CPQ: variants seen among roughly 807,000 people sequenced by gnomAD.
The protein encoded by CPQ is Ser-Met dipeptidase.
In CPQ, 37 loss-of-function variants were observed where a neutral mutation model predicts 45.7. That is an observed-to-expected ratio of 0.81 (90% CI 0.62 to 1.07). The LOEUF (loss-of-function observed/expected upper bound fraction) is 1.07, where lower values mean the gene tolerates loss of function less well. CPQ is among the 50% of genes least tolerant of loss of function. The pLI, the probability that CPQ is intolerant of heterozygous loss-of-function variation, is 0.00. For missense variants in CPQ, 537 were observed against 572.9 expected (o/e 0.94, Z 0.64); for synonymous variants, 186 against 205.8 (o/e 0.90, Z 0.82).
intron 7 of CPQ, among the ~76,000 whole-genome samples, chr8:97,086,114 C>G (rs771654735): frequency 3.1e-4 from 47 of 152,108 alleles, no homozygotes; most frequent in Non-Finnish European, 5.3e-4. Context: ...GGGAAGGGAG[C>G]AATTTTAATT....
intron 1 of CPQ, among the ~76,000 whole-genome samples, chr8:96,769,463 T>C (rs1458013542): frequency 6.6e-6 from 1 of 152,102 alleles, no homozygotes; most frequent in Non-Finnish European, 1.5e-5. Flanking sequence ...TCACAGATCA[T>C]AGACCCCTGT....
chr8:96,702,585 A>G (rs1036470621), intron 1 of CPQ, among the ~76,000 whole-genome samples: 1 of 152,158 alleles, frequency 6.6e-6, no homozygotes, highest in African/African-American at 2.4e-5. Context: ...TATATATATT[A>G]AGTCTTTTAA....
rs564307536 is a variant in CPQ, at chr8:96,662,778, G to A, written c.-35+17376G>A. Among the ~76,000 whole-genome samples the A allele has an allele frequency of 5.9e-5, 9 of 152,106 alleles. No individual in the cohort carries two copies. In the South Asian group the frequency reaches 1.2e-3, roughly 21 times the overall value. Reference sequence around the variant, plus strand: ...AGTGGCAGGCAGATCGCTTGAGCCCGGGAGTTCAACACTAACCTGGGCAAC... The same window carrying A: ...AGTGGCAGGCAGATCGCTTGAGCCCAGGAGTTCAACACTAACCTGGGCAAC... On this transcript the variant is annotated intron_variant, in intron 1 of 7. Transcript: ENST00000220763.
chr8:97,040,367 T>C (rs1180058395), intron 6 of CPQ, among the ~76,000 whole-genome samples: 19 of 151,870 alleles, frequency 1.3e-4, no homozygotes, highest in Non-Finnish European at 2.4e-4. Flanking sequence ...GAGTTCATTG[T>C]AGATTCTGGA....
At chr8:96,661,648 C>G (rs926991425) in intron 1 of CPQ, among the ~76,000 whole-genome samples, 2 of 152,056 alleles carry the variant, frequency 1.3e-5, no homozygotes, top group African/African-American at 4.8e-5. Context: ...GAATAATATT[C>G]CATTGTCTGG....
At chr8:97,113,019 G>A (rs1457973938) in intron 7 of CPQ, among the ~76,000 whole-genome samples, 1 of 152,156 alleles carries the variant, frequency 6.6e-6, no homozygotes, top group Non-Finnish European at 1.5e-5. Context: ...AACTTTGCTA[G>A]TCATGCTGCC....
chr8:96,710,240 C>T (rs767412315), intron 1 of CPQ, among the ~76,000 whole-genome samples: 3 of 151,992 alleles, frequency 2.0e-5, no homozygotes, highest in Non-Finnish European at 4.4e-5. Context: ...GTAATGTCTC[C>T]ATTTTTATTT....
intron 1 of CPQ, among the ~76,000 whole-genome samples, chr8:96,714,523 G>T (rs948704189): frequency 3.9e-5 from 6 of 151,996 alleles, no homozygotes; most frequent in Non-Finnish European, 7.4e-5. Flanking sequence ...TTTCTTTAGA[G>T]AATTTTTCAT....
intron 3 of CPQ, among the ~76,000 whole-genome samples, chr8:96,867,731 T>C (rs1227100621): frequency 6.6e-6 from 1 of 152,096 alleles, no homozygotes; most frequent in African/African-American, 2.4e-5. Context: ...TTTTGAAACA[T>C]GTTTTAATCA....
intron 1 of CPQ, among the ~76,000 whole-genome samples, chr8:96,673,961 A>T (rs1809038467): frequency 1.5e-5 from 2 of 134,142 alleles, no homozygotes; most frequent in Admixed American, 8.0e-5. Context: ...CTTTTCTATT[A>T]CTTGTAAGAA....
At chr8:97,089,926 C>G (rs1204919273) in intron 7 of CPQ, among the ~76,000 whole-genome samples, 1 of 152,100 alleles carries the variant, frequency 6.6e-6, no homozygotes, top group Non-Finnish European at 1.5e-5. Context: ...TTTCATTTTT[C>G]TTAAGTTCCC....
chr8:96,710,427 G>T (rs1809591357), intron 1 of CPQ, among the ~76,000 whole-genome samples: 1 of 151,996 alleles, frequency 6.6e-6, no homozygotes, highest in Admixed American at 6.6e-5. Flanking sequence ...AGTTCCTTCA[G>T]ATGTGACATT....
intron 1 of CPQ, among the ~76,000 whole-genome samples, chr8:96,769,314 C>T (rs1810510137): frequency 6.6e-6 from 1 of 152,162 alleles, no homozygotes; most frequent in Non-Finnish European, 1.5e-5. Flanking sequence ...GATCGTAGGA[C>T]CTCAGAATCA....
At chr8:97,001,480 T>C (rs1809278976) in intron 5 of CPQ, among the ~76,000 whole-genome samples, 1 of 152,168 alleles carries the variant, frequency 6.6e-6, no homozygotes. Context: ...TAGAAAGCCC[T>C]TTCTGCATCT....
At chr8:96,786,413 T>C (rs1157349598) in intron 2 of CPQ, among the ~76,000 whole-genome samples, 4 of 152,172 alleles carry the variant, frequency 2.6e-5, no homozygotes, top group African/African-American at 9.6e-5. Flanking sequence ...CATTTTTATT[T>C]ATCCATGCAT....
chr8:96,690,417 T>C (rs531208602), intron 1 of CPQ, among the ~76,000 whole-genome samples: 3 of 152,176 alleles, frequency 2.0e-5, no homozygotes, highest in Non-Finnish European at 4.4e-5. Flanking sequence ...CTCTTCCCCA[T>C]TGCCTTGCCT....
chr8:96,780,103 T>A (rs1211999761), intron 1 of CPQ, among the ~76,000 whole-genome samples: 1 of 152,162 alleles, frequency 6.6e-6, no homozygotes, highest in Non-Finnish European at 1.5e-5. Flanking sequence ...ATGTATTGAG[T>A]GCCTGTATTT....
chr8:96,884,464 A>G (rs1049481593), intron 4 of CPQ, among the ~76,000 whole-genome samples: 1 of 152,282 alleles, frequency 6.6e-6, no homozygotes, highest in Admixed American at 6.5e-5. Context: ...TTCTTATAAG[A>G]TAAAGGTTGT....
At chr8:96,834,275 A>G (rs1411722175) in intron 2 of CPQ, among the ~76,000 whole-genome samples, 1 of 152,262 alleles carries the variant, frequency 6.6e-6, no homozygotes, top group Non-Finnish European at 1.5e-5. Context: ...CAACAGGATT[A>G]TAGCGCCATT....
Sources: allele counts gnomAD v4.1 joint callset (sites outside exome capture counted in the v4.1 genomes callset), GRCh38; gene constraint gnomAD v4.1.1; transcripts MANE v1.5; gene names NCBI Gene and HGNC (gene_info 2026-07-23, HGNC 2026-07-21).